Variants in ARHGAP17 observed in about 807,000 individuals in gnomAD.
The protein encoded by ARHGAP17 is rho GTPase-activating protein 17.
ARHGAP17 carries 57 observed loss-of-function variants against 99.5 expected under a neutral mutation model. That is an observed-to-expected ratio of 0.57 (90% confidence interval 0.46 to 0.71). The LOEUF (loss-of-function observed/expected upper bound fraction) is 0.71. Ranked by LOEUF, ARHGAP17 falls within the 30% of genes least tolerant of loss-of-function variation. The pLI is 0.00. For missense variants in ARHGAP17, 1,000 were observed against 1,122.4 expected, an observed-to-expected ratio of 0.89 and a Z score of 1.56; for synonymous variants, 417 against 429.6, an observed-to-expected ratio of 0.97 and a Z score of 0.36.
In ARHGAP17 at chr16:24,983,486, A is replaced by G. The variant is rs189600643; in HGVS notation, c.54-4481T>C. ...CCAGGTAATTTTTAAAATTTTTTTT[A>G]TAGAGATGGATTCTCACTACATTGC... On this transcript the variant is annotated intron_variant, in intron 1 of 19. Coordinates refer to ENST00000289968, the MANE Select transcript of ARHGAP17 (RefSeq NM_001006634.3). 3.3e-3 allele frequency among the ~76,000 whole-genome samples: 491 copies of G among 151,008 alleles called. 1 individual carries two copies. The highest frequency in any genetic ancestry group is 0.012 in the African/African-American group (480 of 41,072).
chr16:25,010,446 T>C (rs1260421755), intron 1 of ARHGAP17, among the ~76,000 whole-genome samples: 1 of 152,212 alleles, frequency 6.6e-6, no homozygotes, highest in East Asian at 1.9e-4. Context: ...GGTGGTTTAG[T>C]ACAGCACTTT....
At chr16:24,953,957 G>T (rs2051725096) in intron 10 of ARHGAP17, among the ~76,000 whole-genome samples, 1 of 151,972 alleles carries the variant, frequency 6.6e-6, no homozygotes, top group African/African-American at 2.4e-5. Flanking sequence ...GGTGGGTTTA[G>T]TCATGCAAGC....
At chr16:24,938,703 C>T (rs1280298887) in intron 17 of ARHGAP17, among the ~76,000 whole-genome samples, 4 of 145,318 alleles carry the variant, frequency 2.8e-5, no homozygotes, top group Admixed American at 7.2e-5. Flanking sequence ...GCCTAGGAGG[C>T]GGAGGGTGCA....
Position 24,947,528 on chromosome 16 carries a change from T to C in ARHGAP17, c.1195A>G (p.Ile399Val). The change falls in exon 14 of 20, where the codon ATT becomes GTT. Residue 399 changes from isoleucine to valine, a missense_variant. Around this residue, in one of 2 missense-constraint regions of ARHGAP17, gnomAD observed 472 missense variants for 611.1 expected, o/e 0.77. Coordinates refer to ENST00000289968, the MANE Select transcript of ARHGAP17 (RefSeq NM_001006634.3). ...SDVNKMTPSNIAIVLGPNLLW... is the reference protein window; with the variant it reads ...SDVNKMTPSNVAIVLGPNLLW... Reference sequence around the variant, plus strand: ...AAGTTAGGGCCTAACACAATCGCAATGTTGCTGGGAGTCATTTTATTCACA... The same window carrying C: ...AAGTTAGGGCCTAACACAATCGCAACGTTGCTGGGAGTCATTTTATTCACA... 3 of 1,613,762 alleles carry C rather than the reference T, an allele frequency of 1.9e-6. No individual in the cohort carries two copies. The highest frequency in any genetic ancestry group is 2.5e-6 in the Non-Finnish European group (3 of 1,180,006).
intron 1 of ARHGAP17, among the ~76,000 whole-genome samples, chr16:24,982,046 C>CTA (rs979783351): frequency 7.9e-5 from 12 of 151,240 alleles, no homozygotes; most frequent in African/African-American, 2.7e-4. Context: ...TTTGTGGAGG[C>CTA]TATATATATA....
At chr16:24,938,451 C>A (rs2051204078) in intron 17 of ARHGAP17, among the ~76,000 whole-genome samples, 1 of 151,876 alleles carries the variant, frequency 6.6e-6, no homozygotes, top group Non-Finnish European at 1.5e-5. Flanking sequence ...AAAGGTTAAG[C>A]AACTAAAAGA....
intron 1 of ARHGAP17, among the ~76,000 whole-genome samples, chr16:24,982,540 T>C (rs1487647186): frequency 1.3e-5 from 2 of 152,334 alleles, no homozygotes; most frequent in South Asian, 2.1e-4. Context: ...AATGGCTCCC[T>C]CACACAAAGA....
rs368798244 is a variant in ARHGAP17, at chr16:24,983,254, C to G, written c.54-4249G>C. On this transcript the variant is annotated intron_variant, in intron 1 of 19. Coordinates refer to ENST00000289968, the MANE Select transcript of ARHGAP17 (RefSeq NM_001006634.3). ...TCCTGAGCTCAAGCGATCTGGCTGC[C>G]TTGGTCTCCCAGAGTGCTGGGATTA... Among the ~76,000 whole-genome samples the G allele has an allele frequency of 6.9e-4, 105 of 151,558 alleles. 1 individual carries two copies. The East Asian group carries it at 0.02, about 29-fold the overall frequency.
At chr16:24,982,902 C>A in intron 1 of ARHGAP17, among the ~76,000 whole-genome samples, 1 of 121,914 alleles carries the variant, frequency 8.2e-6, no homozygotes, top group Non-Finnish European at 1.7e-5. Context: ...GTCAAGACAT[C>A]TATAGACAAA....
chr16:24,964,305 C>G lies in ARHGAP17; in HGVS notation c.465G>C (p.Trp155Cys), dbSNP rs759889941. 5.0e-6 allele frequency: 8 copies of G among 1,609,386 alleles called. No homozygotes were observed. In the African/African-American group the frequency reaches 1.1e-4, roughly 22 times the overall value. Residue 155 changes from tryptophan to cysteine, a missense_variant, in exon 7 of 20, where the codon TGG (tryptophan) becomes TGC (cysteine). Around this residue, in one of 2 missense-constraint regions of ARHGAP17, gnomAD observed 472 missense variants for 611.1 expected, o/e 0.77. Coordinates refer to ENST00000289968, the MANE Select transcript of ARHGAP17 (RefSeq NM_001006634.3). Reference protein sequence around the residue: ...VLDWDSVRARWNQAHKSSGTN... With the variant: ...VLDWDSVRARCNQAHKSSGTN... ...TTCCTGAGGATTTGTGAGCTTGGTT[C>G]CACCTGCAAAACAAAGGGGTCACCA...
intron 1 of ARHGAP17, among the ~76,000 whole-genome samples, chr16:24,997,476 A>G (rs1218312253): frequency 3.3e-5 from 5 of 152,226 alleles, no homozygotes; most frequent in Non-Finnish European, 7.3e-5. Flanking sequence ...TCATTATCAC[A>G]ATTATTTCTT....
chr16:24,952,233 G>T (rs764018670), intron 12 of ARHGAP17, 56 bp downstream of exon 12: 19 of 1,338,956 alleles, frequency 1.4e-5, no homozygotes, highest in Admixed American at 1.2e-4. Context: ...TGCAAATAGG[G>T]CACAATATCA....
intron 14 of ARHGAP17, among the ~76,000 whole-genome samples, chr16:24,946,281 C>A (rs1262440667): frequency 6.6e-6 from 1 of 151,908 alleles, no homozygotes; most frequent in African/African-American, 2.4e-5. Context: ...AGGCTCTGGC[C>A]TTCCCAGTCA....
In ARHGAP17 at chr16:24,920,274, C is replaced by T. The variant is rs779486859; in HGVS notation, c.2516-14G>A. 58 of 1,613,562 alleles carry T rather than the reference C, an allele frequency of 3.6e-5. No individual in the cohort carries two copies. The highest frequency in any genetic ancestry group is 4.1e-5 in the Non-Finnish European group (48 of 1,179,868). On this transcript the variant is annotated splice_polypyrimidine_tract_variant and intron_variant, in intron 19 of 19. Coordinates refer to ENST00000289968, the MANE Select transcript of ARHGAP17 (RefSeq NM_001006634.3). ...TGGAATTGGAGTCTGGACAAAAACACGAGGAGACATGGTATCAATGAGGGG... is the reference window on the plus strand; with the variant it reads ...TGGAATTGGAGTCTGGACAAAAACATGAGGAGACATGGTATCAATGAGGGG...
At chr16:24,965,060 C>A (rs2052134834) in intron 6 of ARHGAP17, among the ~76,000 whole-genome samples, 1 of 152,086 alleles carries the variant, frequency 6.6e-6, no homozygotes, top group African/African-American at 2.4e-5. Context: ...TCATAGAAAA[C>A]AATTTGTTTT....
At chr16:24,939,003 A>T (rs1030692414) in intron 17 of ARHGAP17, among the ~76,000 whole-genome samples, 3 of 152,144 alleles carry the variant, frequency 2.0e-5, no homozygotes, top group African/African-American at 7.2e-5. Context: ...GCCACACTCA[A>T]ATGCTTCCTG....
At chr16:24,964,594 G>T (rs1176586170) in intron 6 of ARHGAP17, among the ~76,000 whole-genome samples, 1 of 150,752 alleles carries the variant, frequency 6.6e-6, no homozygotes, top group African/African-American at 2.4e-5. Context: ...CTACTGGAGA[G>T]AAATCCATGG....
chr16:24,982,986 ATATATATATATTTTTTTTTTT>A (rs1413012345), intron 1 of ARHGAP17, among the ~76,000 whole-genome samples: 4 of 28,934 alleles, frequency 1.4e-4, no homozygotes, highest in Non-Finnish European at 2.3e-4. Flanking sequence ...ATATATATAT[ATATATATATATTTTTTTTTTT>A]TTTTTTTTTT....
At chr16:24,932,904 A>G (rs1347843679) in intron 18 of ARHGAP17, among the ~76,000 whole-genome samples, 1 of 152,160 alleles carries the variant, frequency 6.6e-6, no homozygotes, top group Non-Finnish European at 1.5e-5. Flanking sequence ...AAAGAAATGA[A>G]CATGTATCAC....
Sources: allele counts gnomAD v4.1 joint callset (sites outside exome capture counted in the v4.1 genomes callset), GRCh38; gene constraint gnomAD v4.1.1; regional missense constraint gnomAD v4.1.1; transcripts MANE v1.5; gene names NCBI Gene and HGNC (gene_info 2026-07-23, HGNC 2026-07-21).